Variants in KLHL2 observed in about 807,000 individuals in gnomAD.
The protein encoded by KLHL2 is kelch like family member 2.
In KLHL2, 15 loss-of-function variants were observed where a neutral mutation model predicts 75.8. The observed-to-expected ratio is 0.20, with a 90% CI of 0.13 to 0.30. The LOEUF (loss-of-function observed/expected upper bound fraction) is 0.30. Ranked by LOEUF, KLHL2 falls within the 10% of genes least tolerant of loss-of-function variation. The pLI, the probability that KLHL2 is intolerant of heterozygous loss-of-function variation, is 1.00. For synonymous variants in KLHL2, 214 were observed against 251.9 expected, an observed-to-expected ratio of 0.85 and a Z score of 1.42; for missense variants, 381 against 741.0, an observed-to-expected ratio of 0.51 and a Z score of 5.64.
intron 1 of KLHL2, among the ~76,000 whole-genome samples, chr4:165,212,705 A>C (rs1737271797): frequency 6.6e-6 from 1 of 152,238 alleles, no homozygotes; most frequent in African/African-American, 2.4e-5. Context: ...ATGAAGAAGT[A>C]GAGTTTAAGT....
rs766227216 is a variant in KLHL2 at position 165,309,461 on chromosome 4, C to T, written c.1040-1092C>T. ...GTCTAGTTTCTCCATTCACTGATTC[C>T]GTAATATCTCTTTAGCCCAAGGATC... is the stretch of plus-strand genomic sequence containing the variant. On this transcript the variant is annotated intron_variant, in intron 9 of 14. Transcript: ENST00000226725. 1.6e-4 allele frequency among the ~76,000 whole-genome samples: 25 copies of T among 152,166 alleles called. 1 individual carries two copies. The highest frequency in any genetic ancestry group is 2.5e-4 in the Non-Finnish European group (17 of 67,998).
chr4:165,234,171 A>C (rs527446328), intron 3 of KLHL2, among the ~76,000 whole-genome samples: 241 of 152,328 alleles, frequency 1.6e-3, no homozygotes, highest in Non-Finnish European at 2.8e-3. Context: ...GGAGAGTTAC[A>C]TACTCTGACC....
chr4:165,281,047 T>G (rs905826094), intron 5 of KLHL2, among the ~76,000 whole-genome samples: 1 of 152,222 alleles, frequency 6.6e-6, no homozygotes, highest in Admixed American at 6.5e-5. Context: ...TGCTTGTGGA[T>G]CTCAGAGACT....
intron 2 of KLHL2, among the ~76,000 whole-genome samples, chr4:165,223,631 C>G (rs1382106719): frequency 1.3e-5 from 2 of 152,142 alleles, no homozygotes; most frequent in African/African-American, 4.8e-5. Context: ...CGGACTTAAT[C>G]CTCTGGGCAG....
chr4:165,211,760 A>C (rs577592620), intron 1 of KLHL2, among the ~76,000 whole-genome samples: 1 of 152,296 alleles, frequency 6.6e-6, no homozygotes, highest in African/African-American at 2.4e-5. Context: ...TGCATTTGGG[A>C]ACTTGAGAAG....
At chr4:165,259,070 TA>T (rs1315713168) in intron 4 of KLHL2, among the ~76,000 whole-genome samples, 16 of 152,190 alleles carry the variant, frequency 1.1e-4, no homozygotes, top group East Asian at 1.9e-4. Flanking sequence ...GAAAATAACT[TA>T]AAAAAATGTA....
At chr4:165,320,466 C>T (rs76311079) in intron 14 of KLHL2, among the ~76,000 whole-genome samples, 15,345 of 152,122 alleles carry the variant, frequency 0.1, 866 homozygotes, top group Middle Eastern at 0.16. Flanking sequence ...CTTGGCCACC[C>T]AGAACCCCAT....
intron 2 of KLHL2, among the ~76,000 whole-genome samples, chr4:165,222,272 G>A (rs1459426455): frequency 3.3e-5 from 5 of 152,150 alleles, no homozygotes; most frequent in Non-Finnish European, 5.9e-5. Context: ...GTTCAGTGCT[G>A]CTCTGACATT....
chr4:165,306,919 G>C (rs887209555), intron 9 of KLHL2, among the ~76,000 whole-genome samples: 1 of 152,152 alleles, frequency 6.6e-6, no homozygotes, highest in South Asian at 2.1e-4. Flanking sequence ...TGTGTCTCTG[G>C]ACTTAAAATT....
At chr4:165,238,496 A>T (rs1739542771) in intron 3 of KLHL2, among the ~76,000 whole-genome samples, 1 of 152,168 alleles carries the variant, frequency 6.6e-6, no homozygotes. Flanking sequence ...TCAGCTACTG[A>T]TCCTATAGCC....
At position 165,319,347 on chromosome 4, in the gene KLHL2, C is replaced by G. The variant is rs1270152908; in HGVS notation, c.1753+1378C>G. ...ACCATGGGACCCATACAAAGTGCCA[C>G]CGGTGATGGTGCTAGGAAGTGCTTC... is the stretch of plus-strand genomic sequence containing the variant. On this transcript the variant is annotated intron_variant, in intron 14 of 14. Transcript: ENST00000226725. The surrounding 1 kb of genome is among the most constrained non-coding windows in gnomAD (Gnocchi z 4.5). Among the ~76,000 whole-genome samples, 1 of 152,120 alleles carries G rather than the reference C, an allele frequency of 6.6e-6. No individual in the cohort carries two copies. The highest frequency in any genetic ancestry group is 1.5e-5 in the Non-Finnish European group (1 of 68,026).
chr4:165,298,939 G>GCCCC (rs536962387), intron 7 of KLHL2, among the ~76,000 whole-genome samples: 2 of 101,626 alleles, frequency 2.0e-5, no homozygotes, highest in Non-Finnish European at 3.9e-5. Context: ...CCTTCCCCCC[G>GCCCC]CCCCCCCTCC....
At chr4:165,302,303 A>G (rs1745409513) in intron 8 of KLHL2, among the ~76,000 whole-genome samples, 7 of 151,956 alleles carry the variant, frequency 4.6e-5, no homozygotes, top group Admixed American at 4.6e-4. Flanking sequence ...TTATGTTCAG[A>G]TTAAGTCTAA....
rs548388967 is a variant in KLHL2 at position 165,212,251 on chromosome 4, A to G, written c.26+4349A>G. ...GTAATATTGTTAGTAGTATTACAGT[A>G]AACAAAAATGAAGCAGGATAAAAGG... On this transcript the variant is annotated intron_variant, in intron 1 of 14. Coordinates refer to ENST00000226725, the MANE Select transcript of KLHL2 (RefSeq NM_007246.4). 2.0e-5 allele frequency among the ~76,000 whole-genome samples: 3 copies of G among 152,306 alleles called. 1 individual carries two copies. In the South Asian group the frequency reaches 6.2e-4, roughly 32 times the overall value.
At chr4:165,254,422 C>T (rs375248767) in intron 4 of KLHL2, among the ~76,000 whole-genome samples, 3 of 151,962 alleles carry the variant, frequency 2.0e-5, no homozygotes, top group South Asian at 2.1e-4. Flanking sequence ...AAGTCATTTA[C>T]GTATCTTATT....
At chr4:165,265,455 G>A (rs534489661) in intron 5 of KLHL2, among the ~76,000 whole-genome samples, 2 of 151,968 alleles carry the variant, frequency 1.3e-5, no homozygotes, top group South Asian at 4.1e-4. Flanking sequence ...TTTTGTTTCG[G>A]CCAATGCCCA....
intron 9 of KLHL2, among the ~76,000 whole-genome samples, chr4:165,308,927 G>A (rs1375101834): frequency 6.6e-6 from 1 of 152,152 alleles, no homozygotes; most frequent in Non-Finnish European, 1.5e-5. Context: ...TTGCCATATG[G>A]AGGACTGCAT....
chr4:165,267,070 C>G (rs1385815030), intron 5 of KLHL2, among the ~76,000 whole-genome samples: 7 of 152,072 alleles, frequency 4.6e-5, no homozygotes, highest in Non-Finnish European at 7.4e-5. Context: ...GTATTTTATT[C>G]TCTTTTTAGC....
At chr4:165,289,509 GTTT>G (rs1194080743) in intron 5 of KLHL2, among the ~76,000 whole-genome samples, 2 of 112,974 alleles carry the variant, frequency 1.8e-5, no homozygotes, top group African/African-American at 3.6e-5. Flanking sequence ...TTTTGGTTTG[GTTT>G]TTTTTTTTTT....
Sources: allele counts gnomAD v4.1 joint callset (sites outside exome capture counted in the v4.1 genomes callset), GRCh38; gene constraint gnomAD v4.1.1; non-coding constraint Gnocchi (gnomAD v3.1); transcripts MANE v1.5; gene names NCBI Gene and HGNC (gene_info 2026-07-23, HGNC 2026-07-21).